The following CNTNAP5 variants were observed in gnomAD, a reference collection of about 807,000 sequenced individuals.
CNTNAP5 encodes the protein contactin associated protein family member 5, also known as contactin-associated protein-like 5.
In CNTNAP5, 72 loss-of-function variants were observed where a neutral mutation model predicts 150.2. The observed-to-expected ratio is 0.48, with a 90% CI of 0.40 to 0.58. The LOEUF (loss-of-function observed/expected upper bound fraction) is 0.58. Ranked by LOEUF, CNTNAP5 falls within the 20% of genes least tolerant of loss-of-function variation. The pLI, the probability that CNTNAP5 is intolerant of heterozygous loss-of-function variation, is 0.00. For missense variants in CNTNAP5, 1,636 were observed against 1,626.2 expected (o/e 1.01, Z -0.10); for synonymous variants, 672 against 619.8 (o/e 1.08, Z -1.25).
At chr2:124,120,463 G>GCCCACTGTCAACATTAGAC (rs1683534727) in intron 1 of CNTNAP5, among the ~76,000 whole-genome samples, 1 of 152,184 alleles carries the variant, frequency 6.6e-6, no homozygotes, top group South Asian at 2.1e-4. Context: ...TCTGTCTTAA[G>GCCCACTGTCAACATTAGAC]AGATGAATAG....
At chr2:124,315,096 G>A (rs1419778049) in intron 3 of CNTNAP5, among the ~76,000 whole-genome samples, 1 of 151,850 alleles carries the variant, frequency 6.6e-6, no homozygotes. Context: ...CCTAGTAGCT[G>A]AGACTCCAGG....
chr2:124,252,283 A>G (rs752409012), intron 3 of CNTNAP5, among the ~76,000 whole-genome samples: 1 of 152,290 alleles, frequency 6.6e-6, no homozygotes, highest in Middle Eastern at 3.4e-3. Flanking sequence ...ATTTAAGGAA[A>G]GATCCTGTGC....
chr2:124,054,992 G>A (rs563515713), intron 1 of CNTNAP5, among the ~76,000 whole-genome samples: 4 of 152,092 alleles, frequency 2.6e-5, no homozygotes, highest in South Asian at 4.2e-4. Flanking sequence ...GAGCCAAATG[G>A]GTGGGAGTCT....
At chr2:124,189,989 G>C (rs1685423760) in intron 1 of CNTNAP5, among the ~76,000 whole-genome samples, 1 of 152,132 alleles carries the variant, frequency 6.6e-6, no homozygotes, top group Non-Finnish European at 1.5e-5. Context: ...GAGTATGTTT[G>C]CTTCTGTAAA....
At chr2:124,387,282 T>C (rs1024408292) in intron 3 of CNTNAP5, among the ~76,000 whole-genome samples, 5 of 152,230 alleles carry the variant, frequency 3.3e-5, no homozygotes, top group African/African-American at 1.2e-4. Context: ...TTGGCTAAGA[T>C]GCCCCACCAA....
intron 13 of CNTNAP5, among the ~76,000 whole-genome samples, chr2:124,730,346 G>T (rs911675729): frequency 5.4e-5 from 8 of 146,948 alleles, no homozygotes; most frequent in African/African-American, 1.7e-4. Flanking sequence ...CATGTGTACA[G>T]ATATATATAT....
intron 13 of CNTNAP5, among the ~76,000 whole-genome samples, chr2:124,713,292 T>TCCTTC (rs1679861041): frequency 1.5e-5 from 2 of 129,306 alleles, no homozygotes; most frequent in Non-Finnish European, 3.4e-5. Context: ...TTTCTTTCTT[T>TCCTTC]CTTTCTTTCT....
Position 124,460,519 on chromosome 2 carries a change from A to C in CNTNAP5, c.918+13582A>C, listed in dbSNP as rs4848935. 3.9e-5 allele frequency among the ~76,000 whole-genome samples: 6 copies of C among 152,284 alleles called. No individual in the cohort carries two copies. The East Asian group carries it at 1.2e-3, about 29-fold the overall frequency. The stretch of plus-strand genomic sequence containing the variant: ...CTATCTCATCATCTCTAGTCCAGCC[A>C]TAGAATTTAAGCTCATCATAAAGGT... On this transcript the variant is annotated intron_variant, in intron 6 of 23. Coordinates refer to ENST00000682447, the MANE Select transcript of CNTNAP5 (RefSeq NM_001367498.1).
intron 1 of CNTNAP5, among the ~76,000 whole-genome samples, chr2:124,179,602 T>C (rs985196199): frequency 6.6e-6 from 1 of 152,234 alleles, no homozygotes; most frequent in Non-Finnish European, 1.5e-5. Flanking sequence ...TACATTATTG[T>C]ATGATGCTGC....
At chr2:124,810,556 C>G (rs933318178) in intron 19 of CNTNAP5, among the ~76,000 whole-genome samples, 1 of 152,088 alleles carries the variant, frequency 6.6e-6, no homozygotes, top group Non-Finnish European at 1.5e-5. Flanking sequence ...GAGAATTACA[C>G]AAGGGTGTGA....
intron 16 of CNTNAP5, among the ~76,000 whole-genome samples, chr2:124,765,627 T>C (rs1681052091): frequency 6.6e-6 from 1 of 152,156 alleles, no homozygotes; most frequent in African/African-American, 2.4e-5. Context: ...AACAGTAGTG[T>C]CATACAAACA....
intron 1 of CNTNAP5, among the ~76,000 whole-genome samples, chr2:124,147,039 C>T (rs1684270244): frequency 6.6e-6 from 1 of 152,154 alleles, no homozygotes; most frequent in South Asian, 2.1e-4. Context: ...ATAACAAGTA[C>T]TCTATGATGC....
intron 1 of CNTNAP5, among the ~76,000 whole-genome samples, chr2:124,191,750 A>T (rs1427748941): frequency 1.3e-5 from 2 of 152,002 alleles, no homozygotes; most frequent in Non-Finnish European, 2.9e-5. Context: ...CCTCATCTCT[A>T]CTAGAAATAC....
intron 1 of CNTNAP5, among the ~76,000 whole-genome samples, chr2:124,152,692 G>A (rs549444776): frequency 5.3e-5 from 8 of 152,256 alleles, no homozygotes; most frequent in South Asian, 2.1e-4. Context: ...CAAGCAAGGC[G>A]ATGTCACAGC....
At chr2:124,630,376 C>T (rs1048459209) in intron 12 of CNTNAP5, among the ~76,000 whole-genome samples, 15 of 152,190 alleles carry the variant, frequency 9.9e-5, no homozygotes, top group South Asian at 4.1e-4. Context: ...TTATCCACCA[C>T]GATCAAGTTG....
intron 6 of CNTNAP5, among the ~76,000 whole-genome samples, chr2:124,473,501 C>CT (rs1258484036): frequency 2.6e-5 from 4 of 151,940 alleles, no homozygotes; most frequent in East Asian, 1.9e-4. Context: ...TTAAGAAACA[C>CT]TTTTTTACTA....
rs114590489 is a variant in CNTNAP5 at position 124,393,736 on chromosome 2, G to C, written c.382-23707G>C. Among the ~76,000 whole-genome samples the C allele has an allele frequency of 2.3e-3, 354 of 152,330 alleles. 1 individual carries two copies. The highest frequency in any genetic ancestry group is 8.2e-3 in the African/African-American group (342 of 41,578). On this transcript the variant is annotated intron_variant, in intron 3 of 23. Coordinates refer to ENST00000682447, the MANE Select transcript of CNTNAP5 (RefSeq NM_001367498.1). ...GCTAAGTAAAGCGGGGCAGGATGTA[G>C]TTCTGCCCAGCCCAGGCTCAGGCTT...
At chr2:124,325,072 C>A (rs901854274) in intron 3 of CNTNAP5, among the ~76,000 whole-genome samples, 1 of 152,124 alleles carries the variant, frequency 6.6e-6, no homozygotes, top group East Asian at 1.9e-4. Flanking sequence ...GAAATTCTAA[C>A]CCATAATGTG....
chr2:124,253,343 A>T lies in CNTNAP5; in HGVS notation c.381+10950A>T, dbSNP rs917860491. Among the ~76,000 whole-genome samples the T allele has an allele frequency of 2.6e-5, 4 of 152,136 alleles. No homozygotes were observed. In the South Asian group the frequency reaches 8.3e-4, roughly 32 times the overall value. ...ATAAATATATGTGTGGTATAAATAT[A>T]TGTGTCTATACATACATATCTTTAA... On this transcript the variant is annotated intron_variant, in intron 3 of 23. Coordinates refer to ENST00000682447, the MANE Select transcript of CNTNAP5 (RefSeq NM_001367498.1).
Sources: allele counts gnomAD v4.1 joint callset (sites outside exome capture counted in the v4.1 genomes callset), GRCh38; gene constraint gnomAD v4.1.1; transcripts MANE v1.5; gene names NCBI Gene and HGNC (gene_info 2026-07-23, HGNC 2026-07-21).